Variants in ACOT8 observed in about 807,000 individuals in gnomAD.
ACOT8 encodes the protein acyl-coenzyme A thioesterase 8.
Under a neutral mutation model 38.4 loss-of-function variants are expected in ACOT8, and 31 were observed. That is an observed-to-expected ratio of 0.81 (90% CI 0.61 to 1.09). ACOT8 has a LOEUF of 1.09. ACOT8 is among the 50% of genes least tolerant of loss of function. The pLI is 0.00. For synonymous variants in ACOT8, 158 were observed against 170.3 expected, an observed-to-expected ratio of 0.93 and a Z score of 0.56; for missense variants, 373 against 421.8, an observed-to-expected ratio of 0.88 and a Z score of 1.01.
At chr20:45,856,178 C>T (rs1414903882) in intron 1 of ACOT8, among the ~76,000 whole-genome samples, 1 of 152,176 alleles carries the variant, frequency 6.6e-6, no homozygotes, top group Non-Finnish European at 1.5e-5. Context: ...GCAGAAGGGT[C>T]ACTTGGGCCC....
In ACOT8 at chr20:45,855,785, T is replaced by G. The variant is rs1372476665; in HGVS notation, c.129-493A>C. ...AAAATTAAATAAATGTATAAATGAA[T>G]AAATAACAAGAGCCCTCAGACATCA... On this transcript the variant is annotated intron_variant, in intron 1 of 5. Coordinates refer to ENST00000217455, the MANE Select transcript of ACOT8 (RefSeq NM_005469.4). Among the ~76,000 whole-genome samples the G allele has an allele frequency of 2.0e-5, 3 of 151,820 alleles. No homozygotes were observed. In the East Asian group the frequency reaches 5.8e-4, roughly 29 times the overall value.
Position 45,844,327 on chromosome 20 carries a change from G to A in ACOT8, c.582C>T (p.Pro194=), listed in dbSNP as rs770426198. Residue 194 remains proline, a synonymous_variant, in exon 4 of 6, where the codon CCC becomes CCT. Transcript: ENST00000217455. ...PIEIKPVNPS[P]LSQLQRMEPK... The stretch of plus-strand genomic sequence containing the variant: ...GCTCCATTCTCTGCAGCTGGCTCAG[G>A]GGGGATGGGTTTACTGGCTTGATCT... 1.9e-6 allele frequency: 3 copies of A among 1,614,168 alleles called. No homozygotes were observed. The highest frequency in any genetic ancestry group is 2.2e-5 in the South Asian group (2 of 91,074).
In ACOT8 at chr20:45,842,587, T is replaced by C. The variant is rs197666; in HGVS notation, c.842-631A>G. 0.015 allele frequency: 15,136 copies of C among 994,080 alleles called. 1,732 individuals are homozygous for C. In the African/African-American group the frequency reaches 0.24, roughly 16 times the overall value. 61.6% of individuals were successfully genotyped at this position (994,080 alleles called of 1,614,324 possible). On this transcript the variant is annotated intron_variant, in intron 5 of 5. Transcript: ENST00000217455. Reference sequence around the variant, plus strand: ...CCCCATCTGGAGACTCTTTCTCCCTTGCTGGCTTTGGGCCCAAGTTTGATG... The same window carrying C: ...CCCCATCTGGAGACTCTTTCTCCCTCGCTGGCTTTGGGCCCAAGTTTGATG...
intron 2 of ACOT8, chr20:45,853,932 C>T: frequency 1.5e-6 from 2 of 1,304,194 alleles, no homozygotes; most frequent in Non-Finnish European, 2.0e-6. Context: ...CTGTAAAGGT[C>T]CACAAACTCT....
chr20:45,842,525 G>A (rs1157513916), intron 5 of ACOT8: 8 of 1,012,070 alleles, frequency 7.9e-6, no homozygotes, highest in Non-Finnish European at 9.5e-6. Flanking sequence ...GGACTCAGAA[G>A]AGAGGACTTG....
intron 2 of ACOT8, among the ~76,000 whole-genome samples, chr20:45,850,595 CT>C (rs1984997623): frequency 1.3e-5 from 2 of 152,180 alleles, no homozygotes; most frequent in African/African-American, 4.8e-5. Context: ...CACTTCACCC[CT>C]GATGTATATG....
intron 2 of ACOT8, among the ~76,000 whole-genome samples, chr20:45,849,276 A>G (rs1984902179): frequency 1.3e-5 from 2 of 152,028 alleles, no homozygotes; most frequent in African/African-American, 4.8e-5. Context: ...CTATTTATTC[A>G]GCGCTTGTTC....
At chr20:45,846,664 C>T (rs58234610) in intron 3 of ACOT8, among the ~76,000 whole-genome samples, 2 of 152,140 alleles carry the variant, frequency 1.3e-5, no homozygotes, top group African/African-American at 4.8e-5. Flanking sequence ...GAAACTAGGG[C>T]CCTGGGGAGT....
In ACOT8 at chr20:45,857,246, G is replaced by A. The variant is rs1204908656; in HGVS notation, c.70C>T (p.Arg24Cys). 5 of 1,613,730 alleles carry A rather than the reference G, an allele frequency of 3.1e-6. No homozygotes were observed. The East Asian group carries it at 8.9e-5, about 29-fold the overall frequency. Residue 24 changes from arginine (R) to cysteine (C), a missense_variant, in exon 1 of 6, where the codon CGT becomes TGT. Physicochemically the swap from Arg to Cys is radical, Grantham distance 180. Coordinates refer to ENST00000217455, the MANE Select transcript of ACOT8 (RefSeq NM_005469.4). The part of the protein sequence containing the change: ...GDRGDPPGDL[R>C]SVLVTTVLNL... ...AGCACGGTCGTGACCAAGACGCTAC[G>A]GAGGTCCCCAGGGGGATCGCCGCGG...
At chr20:45,857,095 T>C in intron 1 of ACOT8, 93 bp downstream of exon 1, 1 of 1,465,340 alleles carries the variant, frequency 6.8e-7, no homozygotes, top group Non-Finnish European at 9.3e-7. Context: ...CGCAGAGCCA[T>C]ACTAGTCCCG....
chr20:45,856,810 G>A (rs1005072376), intron 1 of ACOT8, among the ~76,000 whole-genome samples: 1 of 152,238 alleles, frequency 6.6e-6, no homozygotes, highest in African/African-American at 2.4e-5. Context: ...GGGATATTGT[G>A]AGAAGAAAAG....
chr20:45,849,151 G>A (rs997067933), intron 2 of ACOT8: 1 of 153,340 alleles, frequency 6.5e-6, no homozygotes, highest in Non-Finnish European at 1.5e-5. Flanking sequence ...ATCTATGCCT[G>A]GGATCTTGTC....
chr20:45,841,820 C>A lies in ACOT8; in HGVS notation c.*18G>T. On this transcript the variant is annotated 3_prime_UTR_variant, in exon 6 of 6. Transcript: ENST00000217455. Reference sequence around the variant, plus strand: ...GATGGGAGGTTCTTGAAGCCCCAGGCGAAGCTGGTACCTCTGGCTACAGCT... The same window carrying A: ...GATGGGAGGTTCTTGAAGCCCCAGGAGAAGCTGGTACCTCTGGCTACAGCT... The A allele has an allele frequency of 6.3e-7, 1 of 1,583,252 alleles. No homozygotes were observed. Among genetic ancestry groups the A allele is most frequent in the African/African-American group, 1.4e-5 (1 of 73,900 alleles).
rs74174980 is a variant in ACOT8 at position 45,856,706 on chromosome 20, G to C, written c.128+482C>G. On this transcript the variant is annotated intron_variant, in intron 1 of 5. Coordinates refer to ENST00000217455, the MANE Select transcript of ACOT8 (RefSeq NM_005469.4). ...AAGAAAGAAAGAAACCCTTGCTGCA[G>C]TCAAGAACTTCAGCGATGCTGGGAA... is the stretch of plus-strand genomic sequence containing the variant. Among the ~76,000 whole-genome samples the C allele has an allele frequency of 5.2e-3, 797 of 152,322 alleles. 4 individuals are homozygous for C. The highest frequency in any genetic ancestry group is 0.014 in the Middle Eastern group (4 of 294).
At chr20:45,855,372 A>C in intron 1 of ACOT8, 80 bp from the exon 2 acceptor site, 1 of 1,543,640 alleles carries the variant, frequency 6.5e-7, no homozygotes, top group Non-Finnish European at 8.9e-7. Flanking sequence ...CTAATGCATG[A>C]TCTCTTCACC....
chr20:45,842,596 T>C (rs1209283860), intron 5 of ACOT8: 2 of 993,864 alleles, frequency 2.0e-6, no homozygotes, highest in Non-Finnish European at 2.4e-6. Flanking sequence ...TTGCTGGCTT[T>C]GGGCCCAAGT....
chr20:45,844,495 TC>T, intron 3 of ACOT8, 75 bp from the exon 4 acceptor site: 1 of 1,516,522 alleles, frequency 6.6e-7, no homozygotes, highest in Non-Finnish European at 9.0e-7. Flanking sequence ...CTCTTCTGAC[TC>T]CCCTCATTCT....
chr20:45,848,557 G>C lies in ACOT8; in HGVS notation c.381C>G (p.Ser127=), dbSNP rs146914053. 42 of 1,614,050 alleles carry C rather than the reference G, an allele frequency of 2.6e-5. No homozygotes were observed. Among genetic ancestry groups the C allele is most frequent in the Non-Finnish European group, 3.4e-5 (40 of 1,180,042 alleles). Residue 127 remains serine (S), a synonymous_variant, in exon 3 of 6, where the codon TCC becomes TCG. Transcript: ENST00000217455. ...TGGGGCTGGGCTGGGCCTGCTGGAAGGAGGCCTGGCAGATGAAGATGGGCT... is the reference window on the plus strand; with the variant it reads ...TGGGGCTGGGCTGGGCCTGCTGGAACGAGGCCTGGCAGATGAAGATGGGCT... ...HGKPIFICQA[S]FQQAQPSPMQ...
rs748690275 is a variant in ACOT8 at position 45,857,288 on chromosome 20, C to T, written c.28G>A (p.Gly10Arg). 8.7e-6 allele frequency: 14 copies of T among 1,610,634 alleles called. No individual in the cohort carries two copies. In the African/African-American group the frequency reaches 1.9e-4, roughly 22 times the overall value. The change falls in exon 1 of 6, where the codon GGG becomes AGG. Residue 10 changes from glycine (G) to arginine (R), a missense_variant. Coordinates refer to ENST00000217455, the MANE Select transcript of ACOT8 (RefSeq NM_005469.4). Reference protein sequence around the residue: MSSPQAPEDGQGCGDRGDPP... With the variant: MSSPQAPEDRQGCGDRGDPP... ...TCGCCGCGGTCGCCACAGCCCTGCC[C>T]ATCTTCTGGGGCCTGCGGGGACGAC...
Sources: allele counts gnomAD v4.1 joint callset (sites outside exome capture counted in the v4.1 genomes callset), GRCh38; gene constraint gnomAD v4.1.1; transcripts MANE v1.5; gene names NCBI Gene and HGNC (gene_info 2026-07-23, HGNC 2026-07-21).